The following SCD5 variants were observed in gnomAD, a reference collection of about 807,000 sequenced individuals.
The protein encoded by SCD5 is acyl-CoA-desaturase 4.
In SCD5, 20 loss-of-function variants were observed where a neutral mutation model predicts 30.4. That is an observed-to-expected ratio of 0.66 (90% CI 0.46 to 0.96). SCD5 has a LOEUF of 0.96. Ranked by LOEUF, SCD5 falls within the 40% of genes least tolerant of loss-of-function variation. The pLI is 0.00. For missense variants in SCD5, 381 were observed against 443.3 expected (o/e 0.86, Z 1.26); for synonymous variants, 173 against 176.4 (o/e 0.98, Z 0.16).
chr4:82,688,399 G>C (rs1020039150), intron 2 of SCD5, among the ~76,000 whole-genome samples: 1 of 152,002 alleles, frequency 6.6e-6, no homozygotes, highest in African/African-American at 2.4e-5. Context: ...GATACTGGTG[G>C]CTCCACTCCT....
chr4:82,690,918 A>T (rs768150370), intron 2 of SCD5, among the ~76,000 whole-genome samples: 1 of 152,262 alleles, frequency 6.6e-6, no homozygotes, highest in Non-Finnish European at 1.5e-5. Context: ...AAGTCAACAT[A>T]AGCGAAATAA....
At chr4:82,775,052 C>G (rs530247388) in intron 1 of SCD5, among the ~76,000 whole-genome samples, 11 of 152,354 alleles carry the variant, frequency 7.2e-5, no homozygotes, top group African/African-American at 2.2e-4. Flanking sequence ...TCCTCTCCCC[C>G]ACAGCCTGCC....
At chr4:82,673,705 T>TGAA (rs1486401834) in intron 3 of SCD5, among the ~76,000 whole-genome samples, 1 of 152,110 alleles carries the variant, frequency 6.6e-6, no homozygotes, top group Non-Finnish European at 1.5e-5. Context: ...AACACAATAT[T>TGAA]GAAGAAGAAG....
chr4:82,657,993 G>A (rs1416798589), intron 3 of SCD5, among the ~76,000 whole-genome samples: 1 of 152,136 alleles, frequency 6.6e-6, no homozygotes, highest in Non-Finnish European at 1.5e-5. Flanking sequence ...AGGAGATTTT[G>A]GGCTAAGATG....
intron 1 of SCD5, among the ~76,000 whole-genome samples, chr4:82,772,284 C>T (rs1459634619): frequency 1.3e-5 from 2 of 152,216 alleles, no homozygotes; most frequent in Non-Finnish European, 2.9e-5. Flanking sequence ...CTACATCAGA[C>T]AGTGACAAGT....
intron 2 of SCD5, among the ~76,000 whole-genome samples, chr4:82,695,052 G>A (rs938407768): frequency 7.6e-6 from 1 of 131,234 alleles, no homozygotes; most frequent in African/African-American, 3.3e-5. Context: ...GTCTGAAGTG[G>A]GGACAGCCAT....
At chr4:82,687,696 T>C (rs1277694663) in intron 2 of SCD5, among the ~76,000 whole-genome samples, 1 of 152,194 alleles carries the variant, frequency 6.6e-6, no homozygotes, top group Non-Finnish European at 1.5e-5. Context: ...CCACTGAAAC[T>C]GTAGAAATTG....
chr4:82,658,835 G>A (rs1727924415), intron 3 of SCD5, among the ~76,000 whole-genome samples: 4 of 588 alleles, frequency 6.8e-3, no homozygotes, highest in African/African-American at 0.038. Flanking sequence ...GGTATCAGGA[G>A]CTGCTGGTCT....
At chr4:82,653,676 T>TGATATAGATAGATAGATA (rs1727801971) in intron 3 of SCD5, among the ~76,000 whole-genome samples, 2 of 136,556 alleles carry the variant, frequency 1.5e-5, no homozygotes, top group African/African-American at 5.6e-5. Context: ...TGAAAGTCAA[T>TGATATAGATAGATAGATA]GATAGATAGA....
intron 1 of SCD5, among the ~76,000 whole-genome samples, chr4:82,750,568 A>G (rs1203267386): frequency 1.3e-5 from 2 of 152,172 alleles, no homozygotes; most frequent in Admixed American, 6.6e-5. Context: ...GATCCAGGGA[A>G]GCCATGGAGA....
intron 1 of SCD5, among the ~76,000 whole-genome samples, chr4:82,733,723 G>A (rs762567950): frequency 6.6e-6 from 1 of 152,152 alleles, no homozygotes; most frequent in African/African-American, 2.4e-5. Context: ...TGCTAGGGAA[G>A]CACATGCTCA....
intron 1 of SCD5, among the ~76,000 whole-genome samples, chr4:82,715,480 G>A (rs994303868): frequency 6.6e-6 from 1 of 151,234 alleles, no homozygotes; most frequent in Non-Finnish European, 1.5e-5. Context: ...ATTAGGAACT[G>A]GAAGGCCCTT....
chr4:82,796,187 G>A (rs1178132722), intron 1 of SCD5, among the ~76,000 whole-genome samples: 1 of 151,548 alleles, frequency 6.6e-6, no homozygotes, highest in Non-Finnish European at 1.5e-5. Context: ...GGAGAATGGT[G>A]TGAACCCAGG....
Position 82,770,479 on chromosome 4 carries a change from G to C in SCD5, c.232+27827C>G, listed in dbSNP as rs140275910. Reference sequence around the variant, plus strand: ...CTGCTGCTCTTACTATACTTTCAGAGTACAGTAAGCAAGCAGTTGCATTTC... The same window carrying C: ...CTGCTGCTCTTACTATACTTTCAGACTACAGTAAGCAAGCAGTTGCATTTC... On this transcript the variant is annotated intron_variant, in intron 1 of 4. Transcript: ENST00000319540. Among the ~76,000 whole-genome samples, 708 of 152,308 alleles carry C rather than the reference G, an allele frequency of 4.6e-3. 2 individuals carry two copies. Among genetic ancestry groups the C allele is most frequent in the African/African-American group, 0.016 (679 of 41,556 alleles).
intron 1 of SCD5, among the ~76,000 whole-genome samples, chr4:82,748,639 T>C (rs1277615769): frequency 1.3e-5 from 2 of 152,218 alleles, no homozygotes; most frequent in African/African-American, 2.4e-5. Context: ...AGTCTGCAGA[T>C]GGTTACCCAC....
At chr4:82,661,227 A>G in intron 3 of SCD5, 1 of 704,498 alleles carries the variant, frequency 1.4e-6, no homozygotes, top group South Asian at 1.7e-5. Flanking sequence ...AATAGGATAT[A>G]ACATGGTGAG....
intron 3 of SCD5, among the ~76,000 whole-genome samples, chr4:82,669,729 C>T (rs920280154): frequency 6.6e-6 from 1 of 152,156 alleles, no homozygotes; most frequent in Admixed American, 6.6e-5. Flanking sequence ...CTTGTATTTC[C>T]ACCAGGAGGA....
intron 1 of SCD5, among the ~76,000 whole-genome samples, chr4:82,712,286 A>G (rs1208338998): frequency 2.5e-5 from 1 of 39,816 alleles, no homozygotes; most frequent in Non-Finnish European, 4.3e-5. Context: ...ATATATATAT[A>G]TATATATATA....
In SCD5 at chr4:82,798,694, T is replaced by G; in HGVS notation, c.-157A>C. On this transcript the variant is annotated 5_prime_UTR_variant, in exon 1 of 5. Coordinates refer to ENST00000319540, the MANE Select transcript of SCD5 (RefSeq NM_001037582.3). ...GCCCTTCTCCCGGGCTCCTGCGCTC[T>G]TCCCCAGGGTCTTAGCGTGGCCTAG... 3.1e-6 allele frequency: 2 copies of G among 654,600 alleles called. No homozygotes were observed. Among genetic ancestry groups the G allele is most frequent in the Non-Finnish European group, 5.1e-6 (2 of 393,632 alleles). The allele number at this position is 654,600 out of a possible 1,614,324, so 40.5% of individuals were successfully genotyped here.
Sources: gnomAD v4.1 joint callset for allele counts (sites outside exome capture counted in the v4.1 genomes callset) on GRCh38, gnomAD v4.1.1 for gene constraint, MANE v1.5 for transcripts, NCBI Gene and HGNC (gene_info 2026-07-23, HGNC 2026-07-21) for gene names.